The following CCNE2 variants were observed in gnomAD, a reference collection of about 807,000 sequenced individuals.
CCNE2 encodes G1/S-specific cyclin-E2.
CCNE2 carries 18 observed loss-of-function variants against 56.8 expected under a neutral mutation model. The observed-to-expected ratio is 0.32, with a 90% CI of 0.22 to 0.47. The LOEUF is 0.47. Ranked by LOEUF, CCNE2 falls within the 20% of genes least tolerant of loss-of-function variation. The pLI is 1.00. For missense variants in CCNE2, 371 were observed against 467.1 expected, an observed-to-expected ratio of 0.79 and a Z score of 1.90; for synonymous variants, 139 against 149.2, an observed-to-expected ratio of 0.93 and a Z score of 0.50.
chr8:94,894,396 C>T (rs1817378756), intron 1 of CCNE2, 149 bp from the exon 2 acceptor site: 1 of 692,672 alleles, frequency 1.4e-6, no homozygotes, highest in Admixed American at 2.6e-5. Context: ...GCTATGTTAG[C>T]TAGCTCATGG....
At chr8:94,894,288 C>A in intron 1 of CCNE2, 41 bp from the exon 2 acceptor site, 2 of 1,597,000 alleles carry the variant, frequency 1.3e-6, no homozygotes, top group South Asian at 2.2e-5. Context: ...AGTACATTGT[C>A]ATTCACATTC....
At chr8:94,895,387 G>C (rs988029175), upstream of CCNE2, 2 of 369,356 alleles carry the variant, frequency 5.4e-6, no homozygotes, top group Non-Finnish European at 7.5e-6. Flanking sequence ...CACTCTACCG[G>C]GCCTTCTGCC....
chr8:94,885,051 A>G lies in CCNE2; in HGVS notation c.831+16T>C. The G allele has an allele frequency of 1.2e-6, 2 of 1,608,998 alleles. No homozygotes were observed. The highest frequency in any genetic ancestry group is 1.7e-6 in the Non-Finnish European group (2 of 1,176,618). On this transcript the variant is annotated intron_variant, in intron 9 of 11. Coordinates refer to ENST00000308108, the MANE Select transcript of CCNE2 (RefSeq NM_057749.3). ...AATTAATAACATTACCATTGAATCAATAAAAATGTCAGTACCTGAGCTATT... is the reference window on the plus strand; with the variant it reads ...AATTAATAACATTACCATTGAATCAGTAAAAATGTCAGTACCTGAGCTATT...
chr8:94,893,166 G>A (rs181462087), intron 4 of CCNE2, among the ~76,000 whole-genome samples, 197 bp from the exon 5 acceptor site: 67 of 152,206 alleles, frequency 4.4e-4, no homozygotes, highest in Middle Eastern at 6.8e-3. Flanking sequence ...AGAGTAATAG[G>A]ATGTTTTAGA....
chr8:94,890,591 ATTTT>A (rs33988905), intron 5 of CCNE2, 41 bp from the exon 6 acceptor site: 7,251 of 306,064 alleles, frequency 0.024, 11 homozygotes, highest in Middle Eastern at 0.033. Flanking sequence ...ATATATATAT[ATTTT>A]TTTTTTTTTT....
chr8:94,892,606 G>A (rs945214528), intron 5 of CCNE2, among the ~76,000 whole-genome samples: 1 of 152,092 alleles, frequency 6.6e-6, no homozygotes, highest in African/African-American at 2.4e-5. Flanking sequence ...TACTCAGCAA[G>A]CAAATGAAAA....
intron 4 of CCNE2, 28 bp from the exon 5 acceptor site, chr8:94,892,997 A>T: frequency 6.6e-7 from 1 of 1,521,022 alleles, no homozygotes; most frequent in South Asian, 1.3e-5. Context: ...AAAAATATCA[A>T]TTTGTGCAAG....
chr8:94,884,975 T>A, intron 9 of CCNE2, 92 bp downstream of exon 9: 1 of 1,102,926 alleles, frequency 9.1e-7, no homozygotes, highest in Non-Finnish European at 1.3e-6. Context: ...GAAGTCAATA[T>A]GTCATTTTGT....
chr8:94,891,692 A>T, intron 5 of CCNE2: 1 of 591,176 alleles, frequency 1.7e-6, no homozygotes, highest in Non-Finnish European at 2.9e-6. Context: ...ACCATGAAGT[A>T]TTTTTAAAAT....
intron 2 of CCNE2, 43 bp from the exon 3 acceptor site, chr8:94,894,162 A>C: frequency 6.2e-7 from 1 of 1,613,412 alleles, no homozygotes; most frequent in Non-Finnish European, 8.5e-7. Context: ...AGTAAGTTAA[A>C]GGCAGCAACT....
At chr8:94,886,329 ATACAAC>A (rs990819176) in intron 7 of CCNE2, among the ~76,000 whole-genome samples, 4 of 152,318 alleles carry the variant, frequency 2.6e-5, no homozygotes, top group African/African-American at 9.6e-5. Flanking sequence ...ATTTTCATTA[ATACAAC>A]TAGAATATGT....
At chr8:94,887,415 G>A (rs1817078188) in intron 7 of CCNE2, among the ~76,000 whole-genome samples, 1 of 152,070 alleles carries the variant, frequency 6.6e-6, no homozygotes, top group African/African-American at 2.4e-5. Context: ...TTAGGCAGAA[G>A]AATCGCTTGA....
chr8:94,885,495 C>T lies in CCNE2; in HGVS notation c.664G>A (p.Asp222Asn), dbSNP rs758088232. The T allele has an allele frequency of 4.4e-6, 7 of 1,606,848 alleles. No homozygotes were observed. The South Asian group carries it at 7.8e-5, about 18-fold the overall frequency. Residue 222 changes from aspartate to asparagine, a missense_variant, in exon 8 of 12, where the codon GAT (aspartate) becomes AAT (asparagine). Coordinates refer to ENST00000308108, the MANE Select transcript of CCNE2 (RefSeq NM_057749.3). ...ATAATGAGTTCCATCCTTAAGATAT[C>T]CTCTTCACTGCAAGCACCATCAGTG... is the stretch of plus-strand genomic sequence containing the variant. Reference protein sequence around the residue: ...YVTDGACSEEDILRMELIILK... With the variant: ...YVTDGACSEENILRMELIILK...
rs35528614 is a variant in CCNE2 at position 94,893,900 on chromosome 8, A to G, written c.156T>C (p.Tyr52=). The change falls in exon 4 of 12, where the codon TAT becomes TAC. Residue 52 remains tyrosine (Y), a synonymous_variant. Coordinates refer to ENST00000308108, the MANE Select transcript of CCNE2 (RefSeq NM_057749.3). ...CCCAGTTCTGCATTACCCTAATTTC[A>G]TACTGATGTTTCTTGGTGACCTCCT... ...RREEVTKKHQ[Y]EIRNCWPPVL... The G allele has an allele frequency of 9.3e-4, 1,506 of 1,613,802 alleles. 21 individuals carry two copies. The African/African-American group carries it at 0.018, about 20-fold the overall frequency.
chr8:94,882,301 G>A lies in CCNE2; in HGVS notation c.944-12C>T, dbSNP rs761395311. On this transcript the variant is annotated splice_polypyrimidine_tract_variant and intron_variant, in intron 10 of 11. Transcript: ENST00000308108. ...GTCCCACTCCAAACCTAGATAGATA[G>A]AAAAAAGTTAGAAAAGCATGAAGGT... 11 of 1,572,142 alleles carry A rather than the reference G, an allele frequency of 7.0e-6. No homozygotes were observed. Among genetic ancestry groups the A allele is most frequent in the East Asian group, 2.3e-5 (1 of 44,058 alleles).
At chr8:94,892,782 A>C in intron 5 of CCNE2, 36 bp downstream of exon 5, 1 of 1,194,222 alleles carries the variant, frequency 8.4e-7, no homozygotes, top group Non-Finnish European at 1.2e-6. Context: ...GCACAACTTT[A>C]TATCTTTGAA....
intron 6 of CCNE2, among the ~76,000 whole-genome samples, chr8:94,888,923 C>T (rs564842047): frequency 9.2e-5 from 14 of 152,152 alleles, no homozygotes; most frequent in African/African-American, 3.4e-4. Flanking sequence ...CCAAGGCGGG[C>T]GGATCACTTG....
intron 1 of CCNE2, chr8:94,894,558 C>T (rs964441469): frequency 1.3e-5 from 4 of 307,386 alleles, no homozygotes; most frequent in Admixed American, 4.7e-5. Context: ...CCACCCTCTC[C>T]CCCGTACACC....
rs1816847598 is a variant in CCNE2, at chr8:94,882,233, C to T, written c.1000G>A (p.Val334Ile). 6 of 1,607,250 alleles carry T rather than the reference C, an allele frequency of 3.7e-6. No homozygotes were observed. Among genetic ancestry groups the T allele is most frequent in the Non-Finnish European group, 5.1e-6 (6 of 1,176,448 alleles). ...TTCACTGGACTAGTACTTTTTACTA[C>T]ATTGACAAAAGGTACCATCCAATCT... The part of the protein sequence containing the change: ...CVDWMVPFVN[V>I]VKSTSPVKLK... Residue 334 changes from valine to isoleucine, a missense_variant, in exon 11 of 12, where the codon GTA becomes ATA. Transcript: ENST00000308108.
Sources: gnomAD v4.1 joint callset for allele counts (sites outside exome capture counted in the v4.1 genomes callset) on GRCh38, gnomAD v4.1.1 for gene constraint, MANE v1.5 for transcripts, NCBI Gene and HGNC (gene_info 2026-07-23, HGNC 2026-07-21) for gene names.